The following KCNH1 variants were observed in gnomAD, a reference collection of about 807,000 sequenced individuals.
KCNH1 encodes the protein voltage-gated delayed rectifier potassium channel KCNH1.
KCNH1 carries 27 observed loss-of-function variants against 69.2 expected under a neutral mutation model. That is an observed-to-expected ratio of 0.39 (90% CI 0.29 to 0.54). The LOEUF (loss-of-function observed/expected upper bound fraction) is 0.54, where lower values mean the gene tolerates loss of function less well. Ranked by LOEUF, KCNH1 falls within the 20% of genes least tolerant of loss-of-function variation. KCNH1 has a pLI of 0.68. For missense variants in KCNH1, 798 were observed against 1,261.6 expected, an observed-to-expected ratio of 0.63 and a Z score of 5.57; for synonymous variants, 456 against 487.7, an observed-to-expected ratio of 0.93 and a Z score of 0.86.
At chr1:210,916,650 G>A (rs1297085464) in intron 7 of KCNH1, among the ~76,000 whole-genome samples, 2 of 152,102 alleles carry the variant, frequency 1.3e-5, no homozygotes, top group Non-Finnish European at 2.9e-5. Flanking sequence ...ACTTCTGTGA[G>A]CCTCCATTTC....
intron 6 of KCNH1, among the ~76,000 whole-genome samples, chr1:210,967,516 C>T (rs1688430217): frequency 6.6e-6 from 1 of 152,052 alleles, no homozygotes; most frequent in Admixed American, 6.6e-5. Context: ...TTTATCTCTA[C>T]AAATAATCAA....
chr1:211,029,264 T>A (rs1348428167), intron 5 of KCNH1, among the ~76,000 whole-genome samples: 1 of 134,220 alleles, frequency 7.5e-6, no homozygotes, highest in Non-Finnish European at 1.5e-5. Flanking sequence ...GCCCAGGAGT[T>A]CGAGGCTGCA....
chr1:211,057,802 A>G (rs1226204329), intron 5 of KCNH1, among the ~76,000 whole-genome samples: 1 of 152,188 alleles, frequency 6.6e-6, no homozygotes, highest in East Asian at 1.9e-4. Flanking sequence ...AAAGTTTATT[A>G]AAGGGATTAT....
intron 6 of KCNH1, among the ~76,000 whole-genome samples, chr1:210,967,138 A>G (rs1296220525): frequency 6.6e-6 from 1 of 152,042 alleles, no homozygotes; most frequent in Non-Finnish European, 1.5e-5. Flanking sequence ...ACACATGGAC[A>G]CAGGGAGGGG....
intron 6 of KCNH1, among the ~76,000 whole-genome samples, chr1:210,975,546 T>A (rs1351115874): frequency 6.6e-6 from 1 of 152,198 alleles, no homozygotes; most frequent in Non-Finnish European, 1.5e-5. Flanking sequence ...TGGCTAGCCA[T>A]ATGTAGAAAG....
intron 5 of KCNH1, among the ~76,000 whole-genome samples, chr1:211,073,586 T>C (rs935027032): frequency 6.6e-6 from 1 of 152,020 alleles, no homozygotes; most frequent in East Asian, 1.9e-4. Context: ...CCAAAAATAC[T>C]TGGAGACTAA....
chr1:210,862,320 C>T lies in KCNH1; in HGVS notation c.1462+57320G>A, dbSNP rs148018680. On this transcript the variant is annotated intron_variant, in intron 7 of 10. Coordinates refer to ENST00000271751, the MANE Select transcript of KCNH1 (RefSeq NM_172362.3). ...CTAGGTCAAACCCAGGGCTTGAGTG[C>T]TACTGGGCCAGGAATAGCACTACTC... The T allele has an allele frequency of 1.8e-4, 134 of 751,758 alleles. No individual in the cohort carries two copies. The East Asian group carries it at 3.5e-3, about 20-fold the overall frequency. 46.6% of individuals were successfully genotyped at this position (751,758 alleles called of 1,614,324 possible). A position where few individuals can be genotyped will look rare whatever the true frequency, so the allele number is the denominator to read the frequency against.
intron 6 of KCNH1, among the ~76,000 whole-genome samples, chr1:211,002,345 T>C (rs923975610): frequency 3.3e-5 from 4 of 121,034 alleles, no homozygotes; most frequent in East Asian, 2.0e-4. Context: ...TGTGTATATA[T>C]ATATATATAC....
At chr1:211,024,855 C>T (rs539731743) in intron 5 of KCNH1, among the ~76,000 whole-genome samples, 1 of 151,748 alleles carries the variant, frequency 6.6e-6, no homozygotes, top group East Asian at 1.9e-4. Flanking sequence ...ATTCCATGAG[C>T]CCAGCATGCT....
At chr1:211,122,976 A>G (rs1004574902) in intron 1 of KCNH1, among the ~76,000 whole-genome samples, 1 of 152,182 alleles carries the variant, frequency 6.6e-6, no homozygotes, top group Non-Finnish European at 1.5e-5. Context: ...CAGAAACATT[A>G]AAAACAAAAA....
intron 7 of KCNH1, among the ~76,000 whole-genome samples, chr1:210,893,110 A>C (rs1342609755): frequency 6.6e-6 from 1 of 152,176 alleles, no homozygotes; most frequent in Non-Finnish European, 1.5e-5. Context: ...AGTGTTCTTC[A>C]TTCCTTTACA....
rs142843761 is a variant in KCNH1, at chr1:210,864,228, G to A, written c.1462+55412C>T. ...GTAGCTGTCTCCACTATTGAGCCAG[G>A]TGTGACCCCAGAATGCCATCTCTAC... On this transcript the variant is annotated intron_variant, in intron 7 of 10. Transcript: ENST00000271751. Among the ~76,000 whole-genome samples, 418 of 152,314 alleles carry A rather than the reference G, an allele frequency of 2.7e-3. 2 individuals carry two copies. The highest frequency in any genetic ancestry group is 9.5e-3 in the African/African-American group (394 of 41,564).
At chr1:210,856,984 T>G (rs1485721848) in intron 7 of KCNH1, among the ~76,000 whole-genome samples, 1 of 148,786 alleles carries the variant, frequency 6.7e-6, no homozygotes, top group East Asian at 2.0e-4. Flanking sequence ...TTTAATAGCA[T>G]CATGGATAAG....
intron 6 of KCNH1, among the ~76,000 whole-genome samples, chr1:210,932,624 C>T (rs1240641640): frequency 1.3e-5 from 2 of 152,022 alleles, no homozygotes; most frequent in East Asian, 1.9e-4. Context: ...ACTCACTTCA[C>T]CTGTAAAAAC....
intron 5 of KCNH1, among the ~76,000 whole-genome samples, chr1:211,032,493 G>A (rs942448804): frequency 3.5e-4 from 53 of 152,176 alleles, no homozygotes; most frequent in African/African-American, 6.3e-4. Context: ...GAGGCATCAC[G>A]CTACCTGACT....
chr1:210,750,959 A>C (rs1170012913), intron 10 of KCNH1, among the ~76,000 whole-genome samples: 3 of 152,248 alleles, frequency 2.0e-5, no homozygotes, highest in Non-Finnish European at 4.4e-5. Flanking sequence ...TCTGGCACCT[A>C]GTCCAGGGCA....
intron 10 of KCNH1, among the ~76,000 whole-genome samples, chr1:210,712,436 G>C (rs1164633752): frequency 6.6e-6 from 1 of 152,120 alleles, no homozygotes; most frequent in Non-Finnish European, 1.5e-5. Context: ...TAGAGCCCAG[G>C]ACACTGCTTA....
chr1:211,083,000 GC>G (rs1690885475), intron 4 of KCNH1, 102 bp from the exon 5 acceptor site: 4 of 870,492 alleles, frequency 4.6e-6, no homozygotes, highest in Non-Finnish European at 7.2e-6. Context: ...CACCTCCAAT[GC>G]CCTCCTAAGC....
At chr1:211,023,036 G>T (rs1365149916) in intron 5 of KCNH1, among the ~76,000 whole-genome samples, 1 of 151,806 alleles carries the variant, frequency 6.6e-6, no homozygotes, top group East Asian at 1.9e-4. Context: ...ACTTGAACCC[G>T]GGAGGCAGAG....
Sources: gnomAD v4.1 joint callset for allele counts (sites outside exome capture counted in the v4.1 genomes callset) on GRCh38, gnomAD v4.1.1 for gene constraint, MANE v1.5 for transcripts, NCBI Gene and HGNC (gene_info 2026-07-23, HGNC 2026-07-21) for gene names.